The following MTUS2 variants were observed in gnomAD, a reference collection of about 807,000 sequenced individuals.
The protein encoded by MTUS2 is microtubule associated scaffold protein 2.
A neutral mutation model predicts 114.1 loss-of-function variants in MTUS2; 40 were observed. The ratio of observed to expected loss-of-function variants is 0.35; its 90% CI spans 0.27 to 0.46. The LOEUF (loss-of-function observed/expected upper bound fraction) is 0.46. Ranked by LOEUF, MTUS2 falls within the 20% of genes least tolerant of loss-of-function variation. MTUS2 has a pLI of 1.00. For synonymous variants in MTUS2, 688 were observed against 672.0 expected, an observed-to-expected ratio of 1.02 and a Z score of -0.37; for missense variants, 1,679 against 1,705.4, an observed-to-expected ratio of 0.98 and a Z score of 0.27.
intron 2 of MTUS2, among the ~76,000 whole-genome samples, chr13:29,004,205 C>CATGT (rs1316073662): frequency 6.6e-6 from 1 of 151,890 alleles, no homozygotes; most frequent in Non-Finnish European, 1.5e-5. Context: ...ATGTATTGTG[C>CATGT]ATGCATGCAT....
intron 2 of MTUS2, among the ~76,000 whole-genome samples, chr13:28,919,133 C>G (rs914392344): frequency 1.3e-5 from 2 of 152,022 alleles, no homozygotes; most frequent in Non-Finnish European, 2.9e-5. Context: ...TTAAAATATT[C>G]TATGTTTTTC....
chr13:28,836,121 A>C (rs1460282068), intron 1 of MTUS2, among the ~76,000 whole-genome samples: 1 of 152,206 alleles, frequency 6.6e-6, no homozygotes, highest in Non-Finnish European at 1.5e-5. Flanking sequence ...TGCATTTAAA[A>C]ATCAAAAAGA....
intron 2 of MTUS2, among the ~76,000 whole-genome samples, chr13:28,861,046 G>A (rs1405417332): frequency 6.6e-6 from 1 of 152,154 alleles, no homozygotes; most frequent in Non-Finnish European, 1.5e-5. Context: ...AACATCTGCA[G>A]GGCAGGGACC....
chr13:29,184,946 A>G (rs140075773), intron 5 of MTUS2, among the ~76,000 whole-genome samples: 40 of 152,304 alleles, frequency 2.6e-4, no homozygotes, highest in African/African-American at 8.7e-4. Context: ...AGTCCATACT[A>G]GTTGGACATA....
chr13:29,025,077 A>G lies in MTUS2; in HGVS notation c.379A>G (p.Ile127Val), dbSNP rs1886454048. ...GTDSLQTTRS[I>V]QGPSLSSWRN... ...AGATAGCCTGCAGACCACGCGGAGT[A>G]TTCAGGGACCAAGTCTGTCGAGTTG... The change falls in exon 3 of 16, where the codon ATT becomes GTT. Residue 127 changes from isoleucine to valine, a missense_variant. Physicochemically the swap from Ile to Val is conservative, Grantham distance 29. Around this residue, in one of 3 missense-constraint regions of MTUS2, gnomAD observed 843 missense variants for 770.8 expected, o/e 1.09. Coordinates refer to ENST00000612955, the MANE Select transcript of MTUS2 (RefSeq NM_001033602.4). 6.2e-7 allele frequency: 1 copy of G among 1,613,790 alleles called. No homozygotes were observed. Among genetic ancestry groups the G allele is most frequent in the African/African-American group, 1.3e-5 (1 of 74,918 alleles).
chr13:29,184,332 C>G (rs1425201312), intron 5 of MTUS2, among the ~76,000 whole-genome samples: 3 of 152,210 alleles, frequency 2.0e-5, no homozygotes, highest in Non-Finnish European at 4.4e-5. Flanking sequence ...CACTGTTCCA[C>G]TGTTCTGATT....
chr13:28,840,642 T>G (rs1215856223), intron 2 of MTUS2, among the ~76,000 whole-genome samples: 1 of 152,200 alleles, frequency 6.6e-6, no homozygotes, highest in Non-Finnish European at 1.5e-5. Flanking sequence ...GCCCGATGCC[T>G]CCGTAAACAT....
intron 8 of MTUS2, among the ~76,000 whole-genome samples, chr13:29,391,011 G>A (rs887189952): frequency 6.6e-6 from 1 of 151,890 alleles, no homozygotes; most frequent in African/African-American, 2.4e-5. Context: ...TCGAACTCCT[G>A]ACCTGCACAC....
intron 5 of MTUS2, among the ~76,000 whole-genome samples, chr13:29,246,301 A>G (rs1040492896): frequency 3.3e-5 from 5 of 152,300 alleles, no homozygotes; most frequent in African/African-American, 1.2e-4. Flanking sequence ...AACTATGAGA[A>G]GATAAAGGGT....
At chr13:29,472,870 C>T (rs1880422391) in intron 9 of MTUS2, among the ~76,000 whole-genome samples, 1 of 152,096 alleles carries the variant, frequency 6.6e-6, no homozygotes, top group Admixed American at 6.5e-5. Flanking sequence ...GAATTCACAC[C>T]ACTGAAATGC....
chr13:29,114,285 T>C (rs372929948), intron 5 of MTUS2, among the ~76,000 whole-genome samples: 8 of 152,116 alleles, frequency 5.3e-5, no homozygotes, highest in African/African-American at 1.9e-4. Flanking sequence ...TGTATAGGAG[T>C]TGGGACTGGG....
chr13:28,946,426 G>A (rs146358476), intron 2 of MTUS2, among the ~76,000 whole-genome samples: 1 of 152,276 alleles, frequency 6.6e-6, no homozygotes, highest in East Asian at 1.9e-4. Context: ...ATTCACAAAT[G>A]TAATTTTTCG....
intron 2 of MTUS2, among the ~76,000 whole-genome samples, chr13:28,843,892 A>G (rs1397570212): frequency 6.6e-6 from 1 of 152,252 alleles, no homozygotes; most frequent in African/African-American, 2.4e-5. Flanking sequence ...TTCTGCTATT[A>G]GAAGCAGATA....
chr13:29,045,340 A>C (rs1407736586), intron 4 of MTUS2, among the ~76,000 whole-genome samples: 1 of 152,156 alleles, frequency 6.6e-6, no homozygotes, highest in African/African-American at 2.4e-5. Context: ...CCATAGCCTT[A>C]CATGGGGGAG....
intron 5 of MTUS2, among the ~76,000 whole-genome samples, chr13:29,220,281 A>G (rs2139318963): frequency 6.6e-6 from 1 of 152,294 alleles, no homozygotes; most frequent in Middle Eastern, 3.4e-3. Context: ...GATTACAGGC[A>G]TGAGCCACTG....
chr13:29,271,705 G>T (rs76019295), intron 5 of MTUS2, among the ~76,000 whole-genome samples: 32 of 152,282 alleles, frequency 2.1e-4, no homozygotes, highest in African/African-American at 7.5e-4. Flanking sequence ...GCCAGCATTT[G>T]CTCGATGCTT....
chr13:29,180,311 G>T (rs896133357), intron 5 of MTUS2, among the ~76,000 whole-genome samples: 2 of 152,130 alleles, frequency 1.3e-5, no homozygotes, highest in African/African-American at 4.8e-5. Context: ...GCGCATAAAT[G>T]GGTTATGAAC....
rs144438499 is a variant in MTUS2 at position 29,132,817 on chromosome 13, G to C, written c.2644+31847G>C. On this transcript the variant is annotated intron_variant, in intron 5 of 15. Coordinates refer to ENST00000612955, the MANE Select transcript of MTUS2 (RefSeq NM_001033602.4). ...CAGTTAATACCACTGTGAACCTGGG[G>C]GTACAAATATACAAATATCTTTTTA... Among the ~76,000 whole-genome samples, 1,203 of 152,182 alleles carry C rather than the reference G, an allele frequency of 7.9e-3. 17 individuals are homozygous for C. The highest frequency in any genetic ancestry group is 0.011 in the Non-Finnish European group (742 of 67,998).
At chr13:28,828,650 C>G in intron 1 of MTUS2, among the ~76,000 whole-genome samples, 1 of 152,168 alleles carries the variant, frequency 6.6e-6, no homozygotes, top group East Asian at 1.9e-4. Flanking sequence ...TCCTGCAACA[C>G]TCCAGGGTCA....
Sources: gnomAD v4.1 joint callset for allele counts (sites outside exome capture counted in the v4.1 genomes callset) on GRCh38, gnomAD v4.1.1 for gene constraint, gnomAD v4.1.1 regional missense constraint, MANE v1.5 for transcripts, NCBI Gene and HGNC (gene_info 2026-07-23, HGNC 2026-07-21) for gene names.